DISP1: variants seen among roughly 807,000 people sequenced by gnomAD.
DISP1 encodes the protein dispatched RND transporter family member 1.
A neutral mutation model predicts 37.3 loss-of-function variants in DISP1; 30 were observed. The ratio of observed to expected loss-of-function variants is 0.80; its 90% CI spans 0.60 to 1.09. The LOEUF (loss-of-function observed/expected upper bound fraction) is 1.09. Ranked by LOEUF, DISP1 falls within the 50% of genes least tolerant of loss-of-function variation. DISP1 has a pLI of 0.00. For synonymous variants in DISP1, 634 were observed against 690.2 expected, an observed-to-expected ratio of 0.92 and a Z score of 1.28; for missense variants, 1,598 against 1,879.5, an observed-to-expected ratio of 0.85 and a Z score of 2.77.
chr1:223,004,819 G>A lies in DISP1; in HGVS notation c.3422G>A (p.Gly1141Asp). The A allele has an allele frequency of 1.2e-6, 2 of 1,611,408 alleles. No homozygotes were observed. Among genetic ancestry groups the A allele is most frequent in the Non-Finnish European group, 1.7e-6 (2 of 1,179,984 alleles). Residue 1141 changes from glycine to aspartate, a missense_variant, in exon 9 of 9, where the codon GGT becomes GAT. By Grantham distance (94) the Gly-to-Asp change is moderately conservative. Transcript: ENST00000675850. The surrounding 1 kb of genome is among the most constrained non-coding windows in gnomAD (Gnocchi z 4.9). ...TGCCTTGGACCACAGGGTACCTGTG[G>A]TCAGATTCCTTTACCTAAAAAACTA... ...CRCLGPQGTC[G>D]QIPLPKKLQC... is the part of the protein sequence containing the mutation.
intron 2 of DISP1, among the ~76,000 whole-genome samples, chr1:222,936,655 C>A (rs1238446774): frequency 2.0e-3 from 68 of 33,422 alleles, no homozygotes; most frequent in African/African-American, 8.0e-3. Context: ...ATATATATCT[C>A]TCATATATAT....
chr1:222,929,757 T>G (rs1673283738), intron 2 of DISP1, among the ~76,000 whole-genome samples: 2 of 152,154 alleles, frequency 1.3e-5, no homozygotes, highest in African/African-American at 4.8e-5. Context: ...TTTTGCATTC[T>G]TTCATGTATT....
chr1:222,986,473 A>G (rs184849349), intron 4 of DISP1, among the ~76,000 whole-genome samples: 47 of 152,360 alleles, frequency 3.1e-4, no homozygotes, highest in African/African-American at 8.7e-4. Context: ...ATCTGTTTCC[A>G]GAGTAAACCC....
Position 223,003,333 on chromosome 1 carries a change from G to A in DISP1, c.1936G>A (p.Val646Ile), listed in dbSNP as rs1265521752. The change falls in exon 9 of 9, where the codon GTT (valine) becomes ATT (isoleucine). Residue 646 changes from valine to isoleucine, a missense_variant. Val to Ile is a conservative substitution (Grantham distance 29). Coordinates refer to ENST00000675850, the MANE Select transcript of DISP1 (RefSeq NM_001377229.1). The surrounding 1 kb of genome is among the most constrained non-coding windows in gnomAD (Gnocchi z 4.3). Reference sequence around the variant, plus strand: ...GGGGACAGCTATATTGGTGAATTACGTTTTGATGGTCACATGGCTTCCAGC... The same window carrying A: ...GGGGACAGCTATATTGGTGAATTACATTTTGATGGTCACATGGCTTCCAGC... ...YAGTAILVNY[V>I]LMVTWLPAVV... The A allele has an allele frequency of 1.3e-5, 21 of 1,614,030 alleles. No homozygotes were observed. The highest frequency in any genetic ancestry group is 3.3e-4 in the Middle Eastern group (2 of 6,084).
intron 3 of DISP1, among the ~76,000 whole-genome samples, chr1:222,953,376 C>T (rs1675368552): frequency 6.6e-6 from 1 of 152,110 alleles, no homozygotes; most frequent in Non-Finnish European, 1.5e-5. Context: ...AGAAATGAAG[C>T]TATTACTGAA....
intron 3 of DISP1, among the ~76,000 whole-genome samples, chr1:222,949,918 C>T (rs1019697662): frequency 1.4e-4 from 22 of 152,178 alleles, no homozygotes; most frequent in Non-Finnish European, 8.8e-5. Flanking sequence ...TGAGCCACAG[C>T]GCCCAGCCAC....
chr1:222,969,546 C>T (rs1264460703), intron 3 of DISP1, among the ~76,000 whole-genome samples: 1 of 151,850 alleles, frequency 6.6e-6, no homozygotes, highest in East Asian at 1.9e-4. Context: ...AAGTTGCAAT[C>T]TAACGTAACG....
rs181937211 is a variant in DISP1 at position 222,905,282 on chromosome 1, T to G, written c.-158-23148T>G. ...TTAGTAATGCTCGGAATGGAAAACA[T>G]ACACCTGTGGTAAAAGAATATGTCA... On this transcript the variant is annotated intron_variant, in intron 1 of 8. Coordinates refer to ENST00000675850, the MANE Select transcript of DISP1 (RefSeq NM_001377229.1). 1.3e-3 allele frequency among the ~76,000 whole-genome samples: 205 copies of G among 152,340 alleles called. 1 individual carries two copies. The highest frequency in any genetic ancestry group is 6.8e-3 in the Middle Eastern group (2 of 294).
intron 1 of DISP1, among the ~76,000 whole-genome samples, chr1:222,838,337 T>C (rs1667375591): frequency 6.6e-6 from 1 of 152,204 alleles, no homozygotes; most frequent in Non-Finnish European, 1.5e-5. Context: ...ATTCCCATTT[T>C]TTCTTTTTAG....
At chr1:222,953,878 T>C (rs1675407315) in intron 3 of DISP1, among the ~76,000 whole-genome samples, 1 of 152,150 alleles carries the variant, frequency 6.6e-6, no homozygotes, top group South Asian at 2.1e-4. Flanking sequence ...CTGTAATACA[T>C]TTTAGAATAT....
intron 3 of DISP1, among the ~76,000 whole-genome samples, chr1:222,975,738 G>T (rs944398645): frequency 6.6e-6 from 1 of 152,162 alleles, no homozygotes; most frequent in East Asian, 1.9e-4. Context: ...CTGTAGCCAA[G>T]GTTCTCAACT....
At chr1:222,901,551 TCTCA>T (rs68114597) in intron 1 of DISP1, among the ~76,000 whole-genome samples, 26,602 of 151,894 alleles carry the variant, frequency 0.18, 2,686 homozygotes, top group Admixed American at 0.28. Flanking sequence ...TGAGATGGAG[TCTCA>T]CTCACTCTGT....
Position 222,893,659 on chromosome 1 carries a change from A to G in DISP1, c.-158-34771A>G, listed in dbSNP as rs1671070754. On this transcript the variant is annotated intron_variant, in intron 1 of 8. Transcript: ENST00000675850. This position sits in a 1 kb window ranked among gnomAD's most constrained non-coding sequence, Gnocchi z 4.3. The stretch of plus-strand genomic sequence containing the variant: ...TTCCACTGCGGGCACCCATGTCTGG[A>G]TGAGGGGAATGTGGTGGTGCCTGGA... Among the ~76,000 whole-genome samples, 1 of 152,148 alleles carries G rather than the reference A, an allele frequency of 6.6e-6. No homozygotes were observed. The highest frequency in any genetic ancestry group is 6.5e-5 in the Admixed American group (1 of 15,276).
chr1:222,953,333 C>T (rs1170838626), intron 3 of DISP1, among the ~76,000 whole-genome samples: 3 of 152,114 alleles, frequency 2.0e-5, no homozygotes, highest in Admixed American at 6.5e-5. Flanking sequence ...GTTATTGTTT[C>T]ATGCCTGCGC....
In DISP1 at chr1:222,862,468, C is replaced by G. The variant is rs529788695; in HGVS notation, c.-159+47390C>G. Among the ~76,000 whole-genome samples, 67 of 150,988 alleles carry G rather than the reference C, an allele frequency of 4.4e-4. 1 individual carries two copies. The highest frequency in any genetic ancestry group is 4.3e-3 in the Admixed American group (65 of 15,180). ...GTAATTTAACATTGATATAATTTAA[C>G]ATTGATATAATATTTTCTAATCCAG... On this transcript the variant is annotated intron_variant, in intron 1 of 8. Transcript: ENST00000675850.
intron 1 of DISP1, among the ~76,000 whole-genome samples, chr1:222,885,687 C>T (rs566511956): frequency 2.1e-4 from 32 of 152,158 alleles, no homozygotes; most frequent in South Asian, 1.9e-3. Flanking sequence ...GTTGCCCGGG[C>T]TCCTGGTTTC....
rs148996682 is a variant in DISP1, at chr1:223,005,573, G to T, written c.4176G>T (p.Ser1392=). The T allele has an allele frequency of 3.2e-5, 52 of 1,613,962 alleles. No individual in the cohort carries two copies. Among genetic ancestry groups the T allele is most frequent in the Non-Finnish European group, 4.4e-5 (52 of 1,180,038 alleles). Residue 1392 remains serine (S), a synonymous_variant, in exon 9 of 9, where the codon TCG becomes TCT. Coordinates refer to ENST00000675850, the MANE Select transcript of DISP1 (RefSeq NM_001377229.1). ...EEHLPKMAEP[S]SFVCRSTGSL... ...ATCTTCCAAAGATGGCAGAGCCATC[G>T]TCATTTGTCTGCAGAAGCACTGGAT...
chr1:222,890,981 C>T (rs1670907353), intron 1 of DISP1, among the ~76,000 whole-genome samples: 1 of 152,104 alleles, frequency 6.6e-6, no homozygotes, highest in Non-Finnish European at 1.5e-5. Flanking sequence ...TAACGAATTA[C>T]ATCTACAACA....
chr1:222,824,778 G>A (rs145557807), intron 1 of DISP1, among the ~76,000 whole-genome samples: 171 of 152,102 alleles, frequency 1.1e-3, no homozygotes, highest in East Asian at 4.7e-3. Context: ...ATTTCTGTTG[G>A]AATGTGAGGC....
Sources: gnomAD v4.1 joint callset for allele counts (sites outside exome capture counted in the v4.1 genomes callset) on GRCh38, gnomAD v4.1.1 for gene constraint, Gnocchi (gnomAD v3.1) non-coding constraint, MANE v1.5 for transcripts, NCBI Gene and HGNC (gene_info 2026-07-23, HGNC 2026-07-21) for gene names.